Variants in PCDHGA2 observed in about 807,000 individuals in gnomAD.
The protein encoded by PCDHGA2 is protocadherin gamma-A2.
In PCDHGA2, 40 loss-of-function variants were observed where a neutral mutation model predicts 59.2. The observed-to-expected ratio is 0.68, with a 90% confidence interval of 0.52 to 0.88. The LOEUF is 0.88. Among genes scored for constraint, PCDHGA2 ranks in the 40% least tolerant of loss-of-function variants. The probability of loss-of-function intolerance (pLI) is 0.00; values close to 1 mark genes in which losing one functional copy is unlikely to be tolerated. For synonymous variants in PCDHGA2, 560 were observed against 526.0 expected, an observed-to-expected ratio of 1.06 and a Z score of -0.89; for missense variants, 1,226 against 1,204.0, an observed-to-expected ratio of 1.02 and a Z score of -0.27.
At position 141,339,920 on chromosome 5, in the gene PCDHGA2, A is replaced by G. The variant is rs1474438099; in HGVS notation, c.949A>G (p.Ile317Val). Residue 317 changes from isoleucine to valine, a missense_variant, in exon 1 of 4, where the codon ATT becomes GTT. Ile to Val is a conservative substitution (Grantham distance 29). Transcript: ENST00000394576. ...LDYEDATFHE[I>V]DIEAQDGPGL... ...TTATGAGGATGCTACATTCCATGAA[A>G]TTGATATTGAAGCTCAGGATGGTCC... 10 of 1,614,142 alleles carry G rather than the reference A, an allele frequency of 6.2e-6. No individual in the cohort carries two copies. The highest frequency in any genetic ancestry group is 8.5e-6 in the Non-Finnish European group (10 of 1,180,008).
At chr5:141,343,976 G>A (rs762845266) in intron 1 of PCDHGA2, 15 of 1,391,488 alleles carry the variant, frequency 1.1e-5, no homozygotes, top group African/African-American at 2.9e-5. Flanking sequence ...AAATAAGATT[G>A]GAGTCCGTCG....
intron 2 of PCDHGA2, among the ~76,000 whole-genome samples, chr5:141,505,066 G>A (rs1312509903): frequency 6.6e-6 from 1 of 152,190 alleles, no homozygotes; most frequent in Non-Finnish European, 1.5e-5. Flanking sequence ...GGAGACTGAG[G>A]CAGGAGAATC....
chr5:141,490,045 C>T lies in PCDHGA2; in HGVS notation c.2425-4762C>T, dbSNP rs530803072. On this transcript the variant is annotated intron_variant, in intron 1 of 3. Transcript: ENST00000394576. The surrounding 1 kb of genome is among the most constrained non-coding windows in gnomAD (Gnocchi z 5.4). ...GCTGCTCCGCCTCAATGCCACTGAT[C>T]CAGACGAGGGCACCAACGGCCAACT... 1.2e-5 allele frequency: 19 copies of T among 1,614,114 alleles called. No individual in the cohort carries two copies. Among genetic ancestry groups the T allele is most frequent in the Admixed American group, 1.2e-4 (7 of 60,014 alleles).
rs546603908 is a variant in PCDHGA2, at chr5:141,408,104, C to G, written c.2424+66709C>G. ...ACAGCGGATTGCCAGCTCCGAGACCCGGGACTCCTCCTGTCCTGGGCCGAA... is the reference window on the plus strand; with the variant it reads ...ACAGCGGATTGCCAGCTCCGAGACCGGGGACTCCTCCTGTCCTGGGCCGAA... On this transcript the variant is annotated intron_variant, in intron 1 of 3. Coordinates refer to ENST00000394576, the MANE Select transcript of PCDHGA2 (RefSeq NM_018915.4). The G allele has an allele frequency of 2.8e-3, 4,048 of 1,441,886 alleles. 13 individuals carry two copies. Among genetic ancestry groups the G allele is most frequent in the Admixed American group, 6.6e-3 (242 of 36,606 alleles). 89.3% of individuals were successfully genotyped at this position (1,441,886 alleles called of 1,614,324 possible). A position where few individuals can be genotyped will look rare whatever the true frequency, so the allele number is the denominator to read the frequency against.
chr5:141,410,251 C>A (rs2095372140), intron 1 of PCDHGA2: 5 of 1,613,898 alleles, frequency 3.1e-6, no homozygotes, highest in African/African-American at 1.3e-5. Context: ...TACTCTCTGA[C>A]CCCCAGGCTG....
At chr5:141,433,332 T>C (rs1344429296) in intron 1 of PCDHGA2, 7 of 694,580 alleles carry the variant, frequency 1.0e-5, no homozygotes, top group Non-Finnish European at 1.7e-5. Context: ...TAACAGGGAC[T>C]ACAGGTGCAA....
intron 1 of PCDHGA2, chr5:141,441,249 TA>T (rs981387539): frequency 6.6e-6 from 1 of 152,206 alleles, no homozygotes; most frequent in Non-Finnish European, 1.5e-5. Context: ...ACAAGATCTT[TA>T]AATCACAAGA....
At chr5:141,409,984 GGACGCC>G (rs2095344357) in intron 1 of PCDHGA2, 1 of 1,613,210 alleles carries the variant, frequency 6.2e-7, no homozygotes, top group Admixed American at 1.7e-5. Context: ...TGGTAGCGGT[GGACGCC>G]GACTCGGGAC....
At chr5:141,409,192 G>A in intron 1 of PCDHGA2, 4 of 1,614,000 alleles carry the variant, frequency 2.5e-6, no homozygotes, top group Non-Finnish European at 3.4e-6. Context: ...TCTCTACCCA[G>A]TGTAAAGTAA....
chr5:141,387,732 C>G (rs940812767), intron 1 of PCDHGA2: 1 of 1,279,212 alleles, frequency 7.8e-7, no homozygotes, highest in South Asian at 1.6e-5. Context: ...CAGCGCCAGC[C>G]TTTACACCGC....
chr5:141,394,918 G>A, intron 1 of PCDHGA2: 1 of 1,613,812 alleles, frequency 6.2e-7, no homozygotes, highest in Non-Finnish European at 8.5e-7. Context: ...GCCATCTCCT[G>A]TGTCTTCCTC....
At chr5:141,418,530 G>T in intron 1 of PCDHGA2, 6 of 1,613,952 alleles carry the variant, frequency 3.7e-6, no homozygotes, top group Non-Finnish European at 5.1e-6. Flanking sequence ...CCCCGAAGCG[G>T]TACTGCTCAG....
intron 1 of PCDHGA2, chr5:141,421,951 A>G: frequency 6.2e-7 from 1 of 1,612,854 alleles, no homozygotes; most frequent in Non-Finnish European, 8.5e-7. Flanking sequence ...TCACATCCCA[A>G]TGTTTACACA....
intron 1 of PCDHGA2, chr5:141,410,657 G>A: frequency 1.9e-6 from 3 of 1,579,248 alleles, no homozygotes; most frequent in Non-Finnish European, 2.6e-6. Flanking sequence ...TTATCTAATA[G>A]TCTACTAGTT....
chr5:141,450,916 C>T (rs1168320527), intron 1 of PCDHGA2, among the ~76,000 whole-genome samples: 1 of 151,580 alleles, frequency 6.6e-6, no homozygotes, highest in Admixed American at 6.6e-5. Flanking sequence ...CCGCTGCCTC[C>T]CAGATTCAAG....
rs1243958567 is a variant in PCDHGA2, at chr5:141,418,557, T to C, written c.2425-76250T>C. 4.3e-6 allele frequency: 7 copies of C among 1,613,860 alleles called. No homozygotes were observed. The East Asian group carries it at 1.6e-4, about 36-fold the overall frequency. On this transcript the variant is annotated intron_variant, in intron 1 of 3. Coordinates refer to ENST00000394576, the MANE Select transcript of PCDHGA2 (RefSeq NM_018915.4). ...ACTGCTCAGATAAGAATCCTGGTAA[T>C]AGATGCCAATGACAACCCCCCAGTG... is the stretch of plus-strand genomic sequence containing the variant.
At chr5:141,341,713 C>T (rs901955740) in intron 1 of PCDHGA2, 6 of 494,990 alleles carry the variant, frequency 1.2e-5, no homozygotes, top group African/African-American at 1.2e-4. Flanking sequence ...TCTCATCCAC[C>T]CAGATCAACA....
intron 1 of PCDHGA2, chr5:141,403,406 T>A: frequency 6.2e-7 from 1 of 1,614,058 alleles, no homozygotes; most frequent in South Asian, 1.1e-5. Flanking sequence ...TGGAGCACGT[T>A]ATCCACTTCC....
At chr5:141,505,505 G>A (rs2099846270) in intron 3 of PCDHGA2, 24 bp downstream of exon 3, 1 of 1,614,132 alleles carries the variant, frequency 6.2e-7, no homozygotes, top group Non-Finnish European at 8.5e-7. Flanking sequence ...GTGTGTGTAT[G>A]GAAGAGTGGG....
Sources: gnomAD v4.1 joint callset for allele counts (sites outside exome capture counted in the v4.1 genomes callset) on GRCh38, gnomAD v4.1.1 for gene constraint, Gnocchi (gnomAD v3.1) non-coding constraint, MANE v1.5 for transcripts, NCBI Gene and HGNC (gene_info 2026-07-23, HGNC 2026-07-21) for gene names.